The following GYPC variants were observed in gnomAD, a reference collection of about 807,000 sequenced individuals.
GYPC encodes the protein glycophorin-C.
Under a neutral mutation model 12.6 loss-of-function variants are expected in GYPC, and 14 were observed. The observed-to-expected ratio is 1.11, with a 90% CI of 0.74 to 1.74. The LOEUF is 1.74. Among genes scored for constraint, GYPC ranks in the 40% most tolerant of loss-of-function variants. GYPC has a pLI of 0.00. For synonymous variants in GYPC, 78 were observed against 62.1 expected (o/e 1.26, Z -1.20); for missense variants, 225 against 172.1 (o/e 1.31, Z -1.72).
intron 2 of GYPC, among the ~76,000 whole-genome samples, chr2:126,691,240 T>C (rs1171294001): frequency 2.0e-5 from 3 of 152,204 alleles, no homozygotes; most frequent in Non-Finnish European, 4.4e-5. Context: ...CTCTGCAGCT[T>C]CAAAGTAAAT....
intron 1 of GYPC, among the ~76,000 whole-genome samples, chr2:126,676,272 G>T (rs1682992897): frequency 6.6e-6 from 1 of 152,230 alleles, no homozygotes. Context: ...AAAATTAAGT[G>T]TTAGCTTTCA....
intron 1 of GYPC, among the ~76,000 whole-genome samples, chr2:126,685,611 C>T (rs1029300140): frequency 2.6e-5 from 4 of 152,156 alleles, no homozygotes; most frequent in Non-Finnish European, 5.9e-5. Flanking sequence ...TCTTGAACTC[C>T]TGACCTCAGG....
chr2:126,675,169 G>A (rs1053761418), intron 1 of GYPC, among the ~76,000 whole-genome samples: 13 of 152,232 alleles, frequency 8.5e-5, no homozygotes, highest in East Asian at 3.9e-4. Flanking sequence ...CGGACCCTTC[G>A]TCATCAGAAA....
chr2:126,675,953 A>G (rs1213359138), intron 1 of GYPC, among the ~76,000 whole-genome samples: 6 of 152,260 alleles, frequency 3.9e-5, no homozygotes, highest in Admixed American at 3.3e-4. Flanking sequence ...ATGTGTAAAG[A>G]AAAATTAATG....
chr2:126,676,223 A>G (rs941763181), intron 1 of GYPC, among the ~76,000 whole-genome samples: 7 of 152,236 alleles, frequency 4.6e-5, no homozygotes, highest in African/African-American at 1.4e-4. Context: ...CCAGTCTGAC[A>G]GAAGAGTAGA....
intron 1 of GYPC, among the ~76,000 whole-genome samples, chr2:126,689,523 T>G (rs1048489637): frequency 6.7e-6 from 1 of 150,374 alleles, no homozygotes; most frequent in African/African-American, 2.5e-5. Context: ...GGGGGATAGT[T>G]GAGTCACAGG....
chr2:126,661,872 A>G (rs1682545232), intron 1 of GYPC, among the ~76,000 whole-genome samples: 1 of 152,186 alleles, frequency 6.6e-6, no homozygotes, highest in African/African-American at 2.4e-5. Context: ...GCTTCGGGGC[A>G]TGTAGAGCCA....
chr2:126,679,690 C>G (rs1049468220), intron 1 of GYPC: 1 of 152,030 alleles, frequency 6.6e-6, no homozygotes, highest in African/African-American at 2.4e-5. Context: ...CCAGCCTGAC[C>G]AACAAGGAGA....
chr2:126,696,238 A>C lies in GYPC; in HGVS notation c.*96A>C. 1.1e-6 allele frequency: 1 copy of C among 894,238 alleles called. No individual in the cohort carries two copies. 55.4% of individuals were successfully genotyped at this position (894,238 alleles called of 1,614,324 possible). On this transcript the variant is annotated 3_prime_UTR_variant, in exon 4 of 4. Coordinates refer to ENST00000259254, the MANE Select transcript of GYPC (RefSeq NM_002101.5). ...CACCCCTGCTGATACCACCAGACAG[A>C]GAGAGAGAGCACTTGATTCTTCCCG...
At chr2:126,665,246 T>G (rs949464414) in intron 1 of GYPC, among the ~76,000 whole-genome samples, 2 of 149,074 alleles carry the variant, frequency 1.3e-5, no homozygotes, top group Non-Finnish European at 3.0e-5. Context: ...TACAGTACAG[T>G]AAGATACTGA....
intron 1 of GYPC, among the ~76,000 whole-genome samples, chr2:126,669,037 T>C (rs191152530): frequency 2.9e-4 from 44 of 152,306 alleles, no homozygotes; most frequent in African/African-American, 1.0e-3. Flanking sequence ...TCCCCCAACG[T>C]AAATGGGTGC....
intron 3 of GYPC, among the ~76,000 whole-genome samples, chr2:126,695,435 A>G (rs1683612206): frequency 6.6e-6 from 1 of 152,180 alleles, no homozygotes; most frequent in African/African-American, 2.4e-5. Flanking sequence ...GCCACCACAC[A>G]ACAGGTTGGT....
At chr2:126,663,818 G>T (rs544086496) in intron 1 of GYPC, among the ~76,000 whole-genome samples, 1 of 152,286 alleles carries the variant, frequency 6.6e-6, no homozygotes, top group Admixed American at 6.5e-5. Flanking sequence ...GTGAAGCCGG[G>T]GGCCTCCTTC....
At chr2:126,660,903 T>C (rs940026026) in intron 1 of GYPC, among the ~76,000 whole-genome samples, 1 of 152,114 alleles carries the variant, frequency 6.6e-6, no homozygotes, top group African/African-American at 2.4e-5. Flanking sequence ...GGGGTTCATT[T>C]TCATATCCAC....
intron 1 of GYPC, among the ~76,000 whole-genome samples, chr2:126,685,415 C>A (rs1353076506): frequency 6.7e-6 from 1 of 150,346 alleles, no homozygotes; most frequent in Non-Finnish European, 1.5e-5. Context: ...GAGGGATTCT[C>A]ACTCTGTCGC....
intron 1 of GYPC, among the ~76,000 whole-genome samples, 161 bp downstream of exon 1, chr2:126,656,473 C>A (rs918496843): frequency 2.0e-5 from 3 of 152,190 alleles, no homozygotes; most frequent in Non-Finnish European, 4.4e-5. Flanking sequence ...CGACTCCAGC[C>A]CCGGTTCCCC....
intron 3 of GYPC, 91 bp downstream of exon 3, chr2:126,694,038 G>A (rs1322708564): frequency 1.4e-5 from 12 of 876,696 alleles, no homozygotes; most frequent in East Asian, 4.8e-5. Flanking sequence ...GACTTGGGCA[G>A]TGGTGGCTGT....
chr2:126,673,517 A>C (rs1682910509), intron 1 of GYPC, among the ~76,000 whole-genome samples: 1 of 152,138 alleles, frequency 6.6e-6, no homozygotes, highest in Non-Finnish European at 1.5e-5. Context: ...GGGTCCTAAC[A>C]CAACTTGGTA....
chr2:126,677,190 AGAGT>A (rs1040989225), intron 1 of GYPC, among the ~76,000 whole-genome samples: 5 of 151,802 alleles, frequency 3.3e-5, no homozygotes, highest in East Asian at 1.9e-4. Flanking sequence ...AATGTGCATG[AGAGT>A]GTGTGTGTGC....
Sources: gnomAD v4.1 joint callset for allele counts (sites outside exome capture counted in the v4.1 genomes callset) on GRCh38, gnomAD v4.1.1 for gene constraint, MANE v1.5 for transcripts, NCBI Gene and HGNC (gene_info 2026-07-23, HGNC 2026-07-21) for gene names.